Variants in ELF2 observed in about 807,000 individuals in gnomAD.
ELF2 encodes E74 like ETS transcription factor 2.
A neutral mutation model predicts 54.8 loss-of-function variants in ELF2; 11 were observed. The ratio of observed to expected loss-of-function variants is 0.20; its 90% confidence interval spans 0.13 to 0.33. The LOEUF is 0.33. Among genes scored for constraint, ELF2 ranks in the 10% least tolerant of loss-of-function variants. The pLI, the probability that ELF2 is intolerant of heterozygous loss-of-function variation, is 1.00. For missense variants in ELF2, 513 were observed against 703.0 expected (o/e 0.73, Z 3.06); for synonymous variants, 203 against 245.1 (o/e 0.83, Z 1.61).
intron 3 of ELF2, among the ~76,000 whole-genome samples, chr4:139,134,594 T>TTTTATTTTATTTTATTTTA (rs1560851186): frequency 1.5e-5 from 2 of 136,818 alleles, no homozygotes; most frequent in Non-Finnish European, 3.1e-5. Context: ...ATTTATTTTA[T>TTTTATTTTATTTTATTTTA]TTTATTTTAT....
chr4:139,160,428 T>C (rs1341441246), intron 1 of ELF2, among the ~76,000 whole-genome samples: 2 of 152,118 alleles, frequency 1.3e-5, no homozygotes, highest in East Asian at 3.9e-4. Context: ...ATAGTACAAG[T>C]AATATGTAAT....
At chr4:139,110,119 T>C (rs775328532) in intron 4 of ELF2, among the ~76,000 whole-genome samples, 2 of 152,166 alleles carry the variant, frequency 1.3e-5, no homozygotes, top group African/African-American at 4.8e-5. Context: ...AGAAAAACTT[T>C]TAAGAAATTT....
In ELF2 at chr4:139,073,496, G is replaced by A. The variant is rs61758140; in HGVS notation, c.310C>T (p.His104Tyr). 356 of 1,609,098 alleles carry A rather than the reference G, an allele frequency of 2.2e-4. No homozygotes were observed. The highest frequency in any genetic ancestry group is 2.8e-4 in the Non-Finnish European group (333 of 1,176,824). Residue 104 changes from histidine to tyrosine, a missense_variant, in exon 5 of 10, where the codon CAT (histidine) becomes TAT (tyrosine). His to Tyr is a moderately conservative substitution (Grantham distance 83). Transcript: ENST00000686138. ...CTCAAGCAGGTAGGAGATTCCATAT[G>A]AAGCAGGGCTTCAGCAGCTTCAATT... ...KTIEAAEALL[H>Y]MESPTCLRDS...
rs1368929518 is a variant in ELF2 at position 139,058,978 on chromosome 4, C to T, written c.*5G>A. ...CAGCCTGAAGTCCATGGTGGAGCTG[C>T]TATTTTATTTCTCACATGTCACTAG... On this transcript the variant is annotated 3_prime_UTR_variant, in exon 10 of 10. Coordinates refer to ENST00000686138, the MANE Select transcript of ELF2 (RefSeq NM_001331036.3). The T allele has an allele frequency of 6.3e-7, 1 of 1,597,020 alleles. No individual in the cohort carries two copies. Among genetic ancestry groups the T allele is most frequent in the Non-Finnish European group, 8.5e-7 (1 of 1,170,638 alleles).
intron 9 of ELF2, among the ~76,000 whole-genome samples, chr4:139,060,031 A>G (rs1203092110): frequency 1.3e-5 from 2 of 151,958 alleles, no homozygotes; most frequent in African/African-American, 2.4e-5. Flanking sequence ...TTTTTATTTT[A>G]TAGAGAGGAG....
chr4:139,170,729 T>TATATG (rs745944533), intron 1 of ELF2, among the ~76,000 whole-genome samples: 13,670 of 147,552 alleles, frequency 0.093, 894 homozygotes, highest in African/African-American at 0.19. Context: ...TATATTATAT[T>TATATG]ATATTATATT....
chr4:139,106,542 C>T (rs1233140262), intron 4 of ELF2, among the ~76,000 whole-genome samples: 1 of 151,888 alleles, frequency 6.6e-6, no homozygotes, highest in Non-Finnish European at 1.5e-5. Flanking sequence ...CAATATAAAT[C>T]ACAGATATTT....
chr4:139,060,776 T>C, intron 8 of ELF2, 102 bp from the exon 9 acceptor site: 1 of 924,864 alleles, frequency 1.1e-6, no homozygotes, highest in South Asian at 1.7e-5. Context: ...ACAGAAACAT[T>C]CCCTTATCTC....
chr4:139,108,439 T>C (rs1734635870), intron 4 of ELF2, among the ~76,000 whole-genome samples: 1 of 152,064 alleles, frequency 6.6e-6, no homozygotes, highest in Non-Finnish European at 1.5e-5. Context: ...TGGAAGCTTA[T>C]TAAAAAACAA....
chr4:139,177,456 G>C (rs888141290), upstream of ELF2, among the ~76,000 whole-genome samples: 4 of 151,496 alleles, frequency 2.6e-5, no homozygotes, highest in African/African-American at 7.3e-5. Context: ...CGCCGCCCTC[G>C]GGCCCCCACC....
intron 6 of ELF2, among the ~76,000 whole-genome samples, chr4:139,070,439 C>A (rs1197368162): frequency 6.6e-6 from 1 of 152,014 alleles, no homozygotes. Flanking sequence ...TACAGGCATG[C>A]AACACCACGG....
At chr4:139,130,756 T>C (rs1737408909) in intron 3 of ELF2, among the ~76,000 whole-genome samples, 1 of 152,228 alleles carries the variant, frequency 6.6e-6, no homozygotes, top group Admixed American at 6.5e-5. Flanking sequence ...TAAACTAAAG[T>C]GGCATTTAAG....
At chr4:139,082,053 T>C (rs778705431) in intron 4 of ELF2, among the ~76,000 whole-genome samples, 23 of 152,162 alleles carry the variant, frequency 1.5e-4, no homozygotes, top group Non-Finnish European at 2.5e-4. Context: ...TACACACATA[T>C]ATACTCCAAG....
intron 1 of ELF2, among the ~76,000 whole-genome samples, chr4:139,152,273 G>A (rs1380118793): frequency 6.6e-6 from 1 of 151,718 alleles, no homozygotes; most frequent in Non-Finnish European, 1.5e-5. Flanking sequence ...GGAGACATCT[G>A]TATTCAAATA....
chr4:139,152,297 C>T (rs138422735), intron 1 of ELF2, among the ~76,000 whole-genome samples: 3 of 151,424 alleles, frequency 2.0e-5, no homozygotes, highest in South Asian at 2.1e-4. Context: ...ACAGTATTAT[C>T]GTGACACTGA....
At chr4:139,114,778 G>T (rs1002498422) in intron 4 of ELF2, among the ~76,000 whole-genome samples, 1 of 151,830 alleles carries the variant, frequency 6.6e-6, no homozygotes, top group Non-Finnish European at 1.5e-5. Flanking sequence ...AAAACTGAGG[G>T]GGCAGGGGAA....
At chr4:139,150,980 C>T (rs1739822416) in intron 1 of ELF2, among the ~76,000 whole-genome samples, 1 of 145,142 alleles carries the variant, frequency 6.9e-6, no homozygotes, top group Non-Finnish European at 1.5e-5. Flanking sequence ...GCCGAGATCG[C>T]ACCACTGCAC....
intron 4 of ELF2, among the ~76,000 whole-genome samples, chr4:139,082,803 A>C (rs948245659): frequency 6.6e-6 from 1 of 152,220 alleles, no homozygotes; most frequent in Non-Finnish European, 1.5e-5. Flanking sequence ...AGGAACATGT[A>C]TGCTTACTAT....
At chr4:139,141,665 G>C (rs918198690) in intron 1 of ELF2, among the ~76,000 whole-genome samples, 22 of 152,184 alleles carry the variant, frequency 1.4e-4, no homozygotes, top group African/African-American at 4.3e-4. Context: ...GGTTGTAGCT[G>C]CTGGAGGAAG....
Sources: gnomAD v4.1 joint callset for allele counts (sites outside exome capture counted in the v4.1 genomes callset) on GRCh38, gnomAD v4.1.1 for gene constraint, MANE v1.5 for transcripts, NCBI Gene and HGNC (gene_info 2026-07-23, HGNC 2026-07-21) for gene names.